The following DLGAP2 variants were observed in gnomAD, a reference collection of about 807,000 sequenced individuals.
The protein encoded by DLGAP2 is disks large-associated protein 2.
DLGAP2 carries 26 observed loss-of-function variants against 100.3 expected under a neutral mutation model. That is an observed-to-expected ratio of 0.26 (90% CI 0.19 to 0.36). The LOEUF (loss-of-function observed/expected upper bound fraction) is 0.36, where lower values mean the gene tolerates loss of function less well. Among genes scored for constraint, DLGAP2 ranks in the 10% least tolerant of loss-of-function variants. The probability of loss-of-function intolerance (pLI) is 1.00; values close to 1 mark genes in which losing one functional copy is unlikely to be tolerated. For missense variants in DLGAP2, 1,858 were observed against 1,453.2 expected, an observed-to-expected ratio of 1.28 and a Z score of -4.53; for synonymous variants, 886 against 630.1, an observed-to-expected ratio of 1.41 and a Z score of -6.08.
intron 2 of DLGAP2, among the ~76,000 whole-genome samples, chr8:1,143,274 G>C (rs530056476): frequency 6.6e-6 from 1 of 152,310 alleles, no homozygotes; most frequent in South Asian, 2.1e-4. Flanking sequence ...CGTGAATGAC[G>C]CACTGAAACA....
intron 3 of DLGAP2, among the ~76,000 whole-genome samples, chr8:1,337,649 G>A (rs1430122151): frequency 2.7e-5 from 4 of 148,416 alleles, no homozygotes; most frequent in Non-Finnish European, 4.5e-5. Context: ...TTAGGCAGTG[G>A]TTTCTTAGAT....
rs555922718 is a variant in DLGAP2, at chr8:922,185, A to C, written c.73+14219A>C. On this transcript the variant is annotated intron_variant, in intron 2 of 14. Coordinates refer to ENST00000637795, the MANE Select transcript of DLGAP2 (RefSeq NM_001346810.2). ...TCATGGAAGTTGGTGGAGGCTGTGT[A>C]AGGGTGTGAGCCAGATAATACTTTA... Among the ~76,000 whole-genome samples the C allele has an allele frequency of 2.0e-5, 3 of 152,306 alleles. No individual in the cohort carries two copies. The South Asian group carries it at 6.2e-4, about 32-fold the overall frequency.
intron 3 of DLGAP2, among the ~76,000 whole-genome samples, chr8:1,336,897 A>T (rs1213295551): frequency 3.3e-5 from 5 of 152,240 alleles, no homozygotes; most frequent in African/African-American, 4.8e-5. Flanking sequence ...TCAGAAAAAC[A>T]TGCTTTTCAC....
At chr8:809,372 A>G (rs1440744890) in intron 1 of DLGAP2, among the ~76,000 whole-genome samples, 1 of 151,724 alleles carries the variant, frequency 6.6e-6, no homozygotes, top group Non-Finnish European at 1.5e-5. Context: ...ACTTTTACCT[A>G]CACCATTTAT....
chr8:1,338,334 TG>T (rs1402604180), intron 3 of DLGAP2, among the ~76,000 whole-genome samples: 2 of 152,332 alleles, frequency 1.3e-5, no homozygotes, highest in Non-Finnish European at 2.9e-5. Context: ...ACACGTATGA[TG>T]GAGCCCACAC....
chr8:987,954 C>T (rs1397061512), intron 2 of DLGAP2, among the ~76,000 whole-genome samples: 1 of 152,178 alleles, frequency 6.6e-6, no homozygotes, highest in African/African-American at 2.4e-5. Context: ...ATCAGTGCTT[C>T]TCTGTGGCTT....
At chr8:1,332,316 CTG>C (rs1563088195) in intron 3 of DLGAP2, among the ~76,000 whole-genome samples, 1 of 151,534 alleles carries the variant, frequency 6.6e-6, no homozygotes, top group African/African-American at 2.4e-5. Flanking sequence ...GTGTGTGTGT[CTG>C]TATGCGAGGG....
chr8:1,116,583 C>T (rs1228557085), intron 2 of DLGAP2, among the ~76,000 whole-genome samples: 4 of 151,984 alleles, frequency 2.6e-5, no homozygotes, highest in Non-Finnish European at 4.4e-5. Context: ...ATTGCCTGAC[C>T]CCAGGCATTT....
rs573181301 is a variant in DLGAP2, at chr8:1,162,878, A to T, written c.74-95973A>T. On this transcript the variant is annotated intron_variant, in intron 2 of 14. Transcript: ENST00000637795. ...GCTAGCCCCGGCACGGGGGCACCAG[A>T]AGAGGGTGCTGGGCTGGGGTCCACG... is the stretch of plus-strand genomic sequence containing the variant. Among the ~76,000 whole-genome samples the T allele has an allele frequency of 2.6e-5, 4 of 152,276 alleles. No homozygotes were observed. The East Asian group carries it at 7.7e-4, about 29-fold the overall frequency.
At chr8:1,672,785 G>T (rs1260306536) in intron 10 of DLGAP2, among the ~76,000 whole-genome samples, 1 of 152,242 alleles carries the variant, frequency 6.6e-6, no homozygotes, top group Non-Finnish European at 1.5e-5. Context: ...GTAGCTCTGG[G>T]AGGCAGAGCA....
intron 4 of DLGAP2, 74 bp downstream of exon 4, chr8:1,501,505 T>C (rs1799722724): frequency 3.5e-6 from 5 of 1,414,658 alleles, no homozygotes; most frequent in African/African-American, 2.9e-5. Context: ...CCTCCCATCA[T>C]GCGGACCGTC....
chr8:781,444 G>A (rs555167951), intron 1 of DLGAP2, among the ~76,000 whole-genome samples: 1 of 151,836 alleles, frequency 6.6e-6, no homozygotes, highest in Admixed American at 6.6e-5. Context: ...TATTTTAATT[G>A]CTTAAAATGC....
intron 3 of DLGAP2, among the ~76,000 whole-genome samples, chr8:1,483,725 A>AGGCATGTGCAGGACATGGGGACCAGGG (rs1563176069): frequency 2.2e-4 from 2 of 9,064 alleles, no homozygotes; most frequent in South Asian, 4.8e-3. Context: ...GGGGACCAGG[A>AGGCATGTGCAGGACATGGGGACCAGGG]AGGCAGGTGC....
chr8:1,339,464 A>G (rs1801370208), intron 3 of DLGAP2, among the ~76,000 whole-genome samples: 1 of 152,228 alleles, frequency 6.6e-6, no homozygotes, highest in South Asian at 2.1e-4. Context: ...CCTGGAGCAC[A>G]CAGGGACCCT....
intron 2 of DLGAP2, among the ~76,000 whole-genome samples, chr8:1,201,679 C>T (rs558341014): frequency 2.0e-5 from 3 of 152,338 alleles, no homozygotes; most frequent in African/African-American, 4.8e-5. Context: ...ATGCCTGTGA[C>T]GTGGTCCAGG....
At chr8:1,061,410 C>G (rs1332194813) in intron 2 of DLGAP2, among the ~76,000 whole-genome samples, 1 of 152,112 alleles carries the variant, frequency 6.6e-6, no homozygotes, top group African/African-American at 2.4e-5. Flanking sequence ...ATCGGCTCAT[C>G]CACGTGTTCG....
At chr8:1,677,512 G>C (rs1392295868) in intron 11 of DLGAP2, among the ~76,000 whole-genome samples, 1 of 152,128 alleles carries the variant, frequency 6.6e-6, no homozygotes, top group African/African-American at 2.4e-5. Flanking sequence ...GGACTATGTA[G>C]ACACAGAGAG....
At chr8:1,084,457 T>C (rs990556967) in intron 2 of DLGAP2, among the ~76,000 whole-genome samples, 1 of 152,222 alleles carries the variant, frequency 6.6e-6, no homozygotes, top group East Asian at 1.9e-4. Flanking sequence ...GTACTCAGCA[T>C]GCCGTGCTAT....
rs118043091 is a variant in DLGAP2, at chr8:827,551, G to A, written c.19-80361G>A. 5.2e-3 allele frequency among the ~76,000 whole-genome samples: 791 copies of A among 152,250 alleles called. 6 individuals carry two copies. Among genetic ancestry groups the A allele is most frequent in the Middle Eastern group, 0.01 (3 of 294 alleles). Reference sequence around the variant, plus strand: ...TTATTGCAATTGCAATCTTCATGCAGAACTTAGAACAGTATTTACATTTCT... The same window carrying A: ...TTATTGCAATTGCAATCTTCATGCAAAACTTAGAACAGTATTTACATTTCT... On this transcript the variant is annotated intron_variant, in intron 1 of 14. Transcript: ENST00000637795.
Sources: gnomAD v4.1 joint callset for allele counts (sites outside exome capture counted in the v4.1 genomes callset) on GRCh38, gnomAD v4.1.1 for gene constraint, MANE v1.5 for transcripts, NCBI Gene and HGNC (gene_info 2026-07-23, HGNC 2026-07-21) for gene names.